The following PTPRD variants were observed in gnomAD, a reference collection of about 807,000 sequenced individuals.
PTPRD encodes the protein receptor-type tyrosine-protein phosphatase delta.
PTPRD carries 34 observed loss-of-function variants against 214.5 expected under a neutral mutation model. The observed-to-expected ratio is 0.16, with a 90% confidence interval of 0.12 to 0.21. PTPRD has a LOEUF of 0.21. Ranked by LOEUF, PTPRD falls within the 10% of genes least tolerant of loss-of-function variation. The pLI is 1.00. For synonymous variants in PTPRD, 1,128 were observed against 845.7 expected, an observed-to-expected ratio of 1.33 and a Z score of -5.79; for missense variants, 2,545 against 2,398.7, an observed-to-expected ratio of 1.06 and a Z score of -1.27.
chr9:8,393,082 C>A (rs2090108699), intron 36 of PTPRD, among the ~76,000 whole-genome samples: 1 of 152,096 alleles, frequency 6.6e-6, no homozygotes, highest in Non-Finnish European at 1.5e-5. Flanking sequence ...TTCAGTAGTT[C>A]TTGATTAGGA....
At chr9:8,948,456 TATATATATTTAC>T (rs2099080821) in intron 11 of PTPRD, among the ~76,000 whole-genome samples, 1 of 13,400 alleles carries the variant, frequency 7.5e-5, no homozygotes, top group South Asian at 6.8e-3. Context: ...TATATATTTA[TATATATATTTAC>T]ATATATATAT....
intron 11 of PTPRD, among the ~76,000 whole-genome samples, chr9:8,828,839 TGTAAACTCA>T (rs1480696282): frequency 6.6e-6 from 1 of 152,212 alleles, no homozygotes; most frequent in Non-Finnish European, 1.5e-5. Flanking sequence ...CTCCTCTCCA[TGTAAACTCA>T]GACAATTCAA....
chr9:8,858,705 G>A (rs959153373), intron 11 of PTPRD, among the ~76,000 whole-genome samples: 1 of 147,136 alleles, frequency 6.8e-6, no homozygotes, highest in Non-Finnish European at 1.5e-5. Context: ...TGCGCCCGCT[G>A]GCGAATCCCT....
intron 3 of PTPRD, among the ~76,000 whole-genome samples, chr9:10,291,066 T>C (rs905988084): frequency 6.6e-6 from 1 of 151,818 alleles, no homozygotes; most frequent in Non-Finnish European, 1.5e-5. Flanking sequence ...GTAATTTCTT[T>C]AAGAATGAGC....
chr9:8,780,038 A>G (rs1415864404), intron 11 of PTPRD, among the ~76,000 whole-genome samples: 1 of 152,094 alleles, frequency 6.6e-6, no homozygotes, highest in Non-Finnish European at 1.5e-5. Flanking sequence ...AGTGTCAAAC[A>G]TTCAAAGTCA....
At chr9:8,751,235 G>C (rs1181724943) in intron 11 of PTPRD, among the ~76,000 whole-genome samples, 2 of 151,716 alleles carry the variant, frequency 1.3e-5, no homozygotes, top group East Asian at 3.9e-4. Flanking sequence ...ACACACTTTA[G>C]AATTTTTACT....
chr9:9,259,046 A>G (rs1357293459), intron 9 of PTPRD, among the ~76,000 whole-genome samples: 1 of 151,722 alleles, frequency 6.6e-6, no homozygotes, highest in African/African-American at 2.4e-5. Flanking sequence ...TCTCCACCAT[A>G]TGATTCTAAT....
At position 8,548,308 on chromosome 9, in the gene PTPRD, A is replaced by G. The variant is rs1474704953; in HGVS notation, c.353-19529T>C. Among the ~76,000 whole-genome samples, 6 of 152,112 alleles carry G rather than the reference A, an allele frequency of 3.9e-5. No individual in the cohort carries two copies. The South Asian group carries it at 8.3e-4, about 21-fold the overall frequency. ...ATGCAAAGATGGCTGGCCAGGTCCA[A>G]CTGTGACAAGCTGGAAGGAATCTGG... On this transcript the variant is annotated intron_variant, in intron 14 of 45. Coordinates refer to ENST00000381196, the MANE Select transcript of PTPRD (RefSeq NM_002839.4).
At chr9:8,748,912 A>G (rs958299355) in intron 11 of PTPRD, among the ~76,000 whole-genome samples, 1 of 152,142 alleles carries the variant, frequency 6.6e-6, no homozygotes, top group Non-Finnish European at 1.5e-5. Flanking sequence ...CTCCATCATA[A>G]AAAAAGAAAA....
At chr9:9,325,943 G>A (rs886274404) in intron 9 of PTPRD, among the ~76,000 whole-genome samples, 1 of 152,142 alleles carries the variant, frequency 6.6e-6, no homozygotes, top group African/African-American at 2.4e-5. Context: ...TGCTTCTATT[G>A]AGATAATCAT....
At chr9:10,234,366 G>A (rs757566715) in intron 3 of PTPRD, among the ~76,000 whole-genome samples, 2 of 151,664 alleles carry the variant, frequency 1.3e-5, no homozygotes, top group Non-Finnish European at 2.9e-5. Context: ...GGCTTTTACT[G>A]GCCCTAAAAC....
intron 5 of PTPRD, among the ~76,000 whole-genome samples, chr9:9,790,387 T>C (rs1236055274): frequency 6.6e-6 from 1 of 152,178 alleles, no homozygotes; most frequent in Non-Finnish European, 1.5e-5. Flanking sequence ...CACCAGTTGG[T>C]TTGCTTCCCT....
At chr9:10,101,635 T>C (rs16931082) in intron 3 of PTPRD, among the ~76,000 whole-genome samples, 3 of 151,646 alleles carry the variant, frequency 2.0e-5, no homozygotes, top group Non-Finnish European at 3.0e-5. Context: ...TTTCCACAGA[T>C]GCTTTGCACA....
At chr9:8,944,787 G>A (rs781762256) in intron 11 of PTPRD, among the ~76,000 whole-genome samples, 8 of 151,392 alleles carry the variant, frequency 5.3e-5, no homozygotes, top group Non-Finnish European at 1.2e-4. Flanking sequence ...TGATTAATGG[G>A]TACAAAAATA....
intron 5 of PTPRD, among the ~76,000 whole-genome samples, chr9:9,804,561 T>C (rs930218516): frequency 6.6e-6 from 1 of 152,182 alleles, no homozygotes; most frequent in Non-Finnish European, 1.5e-5. Flanking sequence ...GACTCTCAGA[T>C]TTTATTTCAA....
intron 25 of PTPRD, among the ~76,000 whole-genome samples, chr9:8,499,028 C>A (rs879114589): frequency 6.6e-6 from 1 of 150,812 alleles, no homozygotes; most frequent in Non-Finnish European, 1.5e-5. Context: ...TTTTTAGTAC[C>A]TTTTTTTTAA....
At chr9:9,985,371 T>C (rs564533280) in intron 4 of PTPRD, among the ~76,000 whole-genome samples, 1 of 152,354 alleles carries the variant, frequency 6.6e-6, no homozygotes, top group African/African-American at 2.4e-5. Context: ...GTTAAGTTTT[T>C]TTTAGACCTC....
intron 11 of PTPRD, among the ~76,000 whole-genome samples, chr9:8,879,781 A>T (rs2098426320): frequency 6.6e-6 from 1 of 152,146 alleles, no homozygotes; most frequent in African/African-American, 2.4e-5. Flanking sequence ...ACTCATAGAA[A>T]CACAAACGGA....
intron 12 of PTPRD, among the ~76,000 whole-genome samples, chr9:8,689,245 GA>G (rs1273259466): frequency 6.6e-6 from 1 of 152,168 alleles, no homozygotes; most frequent in African/African-American, 2.4e-5. Flanking sequence ...TGTGTGGATA[GA>G]AAGATGAAAA....
Sources: allele counts gnomAD v4.1 joint callset (sites outside exome capture counted in the v4.1 genomes callset), GRCh38; gene constraint gnomAD v4.1.1; transcripts MANE v1.5; gene names NCBI Gene and HGNC (gene_info 2026-07-23, HGNC 2026-07-21).